JAKMIP1: variants seen among roughly 807,000 people sequenced by gnomAD.
JAKMIP1 encodes janus kinase and microtubule-interacting protein 1.
A neutral mutation model predicts 113.0 loss-of-function variants in JAKMIP1; 33 were observed. The ratio of observed to expected loss-of-function variants is 0.29; its 90% CI spans 0.22 to 0.39. The LOEUF is 0.39. Among genes scored for constraint, JAKMIP1 ranks in the 10% least tolerant of loss-of-function variants. JAKMIP1 has a pLI of 1.00. For missense variants in JAKMIP1, 813 were observed against 1,080.5 expected, an observed-to-expected ratio of 0.75 and a Z score of 3.47; for synonymous variants, 480 against 459.9, an observed-to-expected ratio of 1.04 and a Z score of -0.56.
chr4:6,156,286 G>A lies in JAKMIP1; in HGVS notation c.-147-43289C>T, dbSNP rs905141639. Reference sequence around the variant, plus strand: ...TGTATCACACTGATCCTAAGTTAACGTTTCTGAAATCAAGATTCATCTCAC... The same window carrying A: ...TGTATCACACTGATCCTAAGTTAACATTTCTGAAATCAAGATTCATCTCAC... On this transcript the variant is annotated intron_variant, in intron 1 of 20. Transcript: ENST00000409021. The surrounding 1 kb of genome is among the most constrained non-coding windows in gnomAD (Gnocchi z 5.0). Among the ~76,000 whole-genome samples, 2 of 152,150 alleles carry A rather than the reference G, an allele frequency of 1.3e-5. No individual in the cohort carries two copies. The highest frequency in any genetic ancestry group is 3.9e-4 in the East Asian group (2 of 5,186).
intron 20 of JAKMIP1, 35 bp downstream of exon 20, chr4:6,029,681 G>C (rs1380665240): frequency 1.4e-6 from 2 of 1,455,598 alleles, no homozygotes; most frequent in Non-Finnish European, 1.9e-6. Context: ...TTCATGGAAA[G>C]AAACCTGGGG....
rs1446420630 is a variant in JAKMIP1, at chr4:6,040,128, G to C, written c.2175+511C>G. On this transcript the variant is annotated intron_variant, in intron 18 of 20. Coordinates refer to ENST00000409021, the MANE Select transcript of JAKMIP1 (RefSeq NM_001099433.2). The surrounding 1 kb of genome is among the most constrained non-coding windows in gnomAD (Gnocchi z 5.8). ...TTTGAGTGTGAGGACACAGGAGTTTGAACATCATCCCACTGTATTTTAATC... is the reference window on the plus strand; with the variant it reads ...TTTGAGTGTGAGGACACAGGAGTTTCAACATCATCCCACTGTATTTTAATC... 6.6e-6 allele frequency among the ~76,000 whole-genome samples: 1 copy of C among 152,206 alleles called. No homozygotes were observed. The highest frequency in any genetic ancestry group is 2.4e-5 in the African/African-American group (1 of 41,462).
chr4:6,106,008 C>A lies in JAKMIP1; in HGVS notation c.130-41G>T. Reference sequence around the variant, plus strand: ...CGAGAGAGCCGGTCAGGGTCAGGGTCAGGGTCAGGGTCAGGGTCAGGGTCA... The same window carrying A: ...CGAGAGAGCCGGTCAGGGTCAGGGTAAGGGTCAGGGTCAGGGTCAGGGTCA... On this transcript the variant is annotated intron_variant, in intron 2 of 20. Coordinates refer to ENST00000409021, the MANE Select transcript of JAKMIP1 (RefSeq NM_001099433.2). The surrounding 1 kb of genome is among the most constrained non-coding windows in gnomAD (Gnocchi z 5.9). 2 of 1,195,736 alleles carry A rather than the reference C, an allele frequency of 1.7e-6. No individual in the cohort carries two copies. Among genetic ancestry groups the A allele is most frequent in the South Asian group, 2.9e-5 (2 of 69,254 alleles). The allele number at this position is 1,195,736 out of a possible 1,614,324, so 74.1% of individuals were successfully genotyped here. A position where few individuals can be genotyped will look rare whatever the true frequency, so the allele number is the denominator to read the frequency against.
chr4:6,049,155 G>A lies in JAKMIP1; in HGVS notation c.1963-233C>T, dbSNP rs1223609563. On this transcript the variant is annotated intron_variant, in intron 15 of 20. Coordinates refer to ENST00000409021, the MANE Select transcript of JAKMIP1 (RefSeq NM_001099433.2). The surrounding 1 kb of genome is among the most constrained non-coding windows in gnomAD (Gnocchi z 7.0). ...TGATTCTCTTGCCTCAGCCTCCCGA[G>A]TAGCTGGGATTACAGCAGCTGGGAT... Among the ~76,000 whole-genome samples the A allele has an allele frequency of 1.3e-5, 2 of 152,152 alleles. No individual in the cohort carries two copies. The highest frequency in any genetic ancestry group is 1.3e-4 in the Admixed American group (2 of 15,272).
chr4:6,169,935 C>A (rs576183273), intron 1 of JAKMIP1, among the ~76,000 whole-genome samples: 1 of 151,506 alleles, frequency 6.6e-6, no homozygotes, highest in African/African-American at 2.4e-5. Flanking sequence ...CTACCACCAC[C>A]GATACTACCA....
chr4:6,173,727 G>A (rs1009216594), intron 1 of JAKMIP1, among the ~76,000 whole-genome samples: 1 of 152,108 alleles, frequency 6.6e-6, no homozygotes, highest in African/African-American at 2.4e-5. Flanking sequence ...CAGACACCAC[G>A]ACATCTCACC....
At position 6,088,743 on chromosome 4, in the gene JAKMIP1, A is replaced by C. The variant is rs1256617503; in HGVS notation, c.625-3114T>G. 6.6e-6 allele frequency among the ~76,000 whole-genome samples: 1 copy of C among 152,196 alleles called. No individual in the cohort carries two copies. Among genetic ancestry groups the C allele is most frequent in the Non-Finnish European group, 1.5e-5 (1 of 68,028 alleles). ...TCACTGACTTTACTCCTGGATCACA[A>C]GCTGAGCTCTTAGTGATCCTATCTC... is the stretch of plus-strand genomic sequence containing the variant. On this transcript the variant is annotated intron_variant, in intron 3 of 20. Coordinates refer to ENST00000409021, the MANE Select transcript of JAKMIP1 (RefSeq NM_001099433.2). This position sits in a 1 kb window ranked among gnomAD's most constrained non-coding sequence, Gnocchi z 5.5.
rs1719507783 is a variant in JAKMIP1 at position 6,138,006 on chromosome 4, C to T, written c.-147-25009G>A. 6.6e-6 allele frequency among the ~76,000 whole-genome samples: 1 copy of T among 152,190 alleles called. No homozygotes were observed. The highest frequency in any genetic ancestry group is 2.4e-5 in the African/African-American group (1 of 41,458). ...CTCTGGGACAGTGGCTCCCAATGCC[C>T]CAGCTCCCAGAGGTGGCAGAGGTGG... is the stretch of plus-strand genomic sequence containing the variant. On this transcript the variant is annotated intron_variant, in intron 1 of 20. Transcript: ENST00000409021. This position sits in a 1 kb window ranked among gnomAD's most constrained non-coding sequence, Gnocchi z 6.0.
At chr4:6,047,101 C>G (rs1202267577) in intron 16 of JAKMIP1, among the ~76,000 whole-genome samples, 2 of 152,210 alleles carry the variant, frequency 1.3e-5, no homozygotes, top group Non-Finnish European at 2.9e-5. Context: ...ACACTGTGAG[C>G]CACCAGGATG....
In JAKMIP1 at chr4:6,037,851, A is replaced by G. The variant is rs1393118105; in HGVS notation, c.2176-1744T>C. Among the ~76,000 whole-genome samples, 8 of 119,382 alleles carry G rather than the reference A, an allele frequency of 6.7e-5. No homozygotes were observed. In the South Asian group the frequency reaches 1.3e-3, roughly 19 times the overall value. 78.3% of individuals were successfully genotyped at this position (119,382 alleles called of 152,430 possible). A position where few individuals can be genotyped will look rare whatever the true frequency, so the allele number is the denominator to read the frequency against. ...TCCATCACCGAGGCAGAGGCTAACC[A>G]GTATCCCTCCATCACTGAGGCAGAG... On this transcript the variant is annotated intron_variant, in intron 18 of 20. Transcript: ENST00000409021.
At position 6,176,236 on chromosome 4, in the gene JAKMIP1, C is replaced by T. The variant is rs555123024; in HGVS notation, c.-148+24017G>A. 1.3e-4 allele frequency among the ~76,000 whole-genome samples: 20 copies of T among 152,276 alleles called. 3 individuals carry two copies. The highest frequency in any genetic ancestry group is 3.6e-4 in the African/African-American group (15 of 41,554). ...GAAAAGGACAGATCACCCCCTCATA[C>T]GTTTCAGACCAGCTGCTCCAGAGTC... On this transcript the variant is annotated intron_variant, in intron 1 of 20. Coordinates refer to ENST00000409021, the MANE Select transcript of JAKMIP1 (RefSeq NM_001099433.2). The surrounding 1 kb of genome is among the most constrained non-coding windows in gnomAD (Gnocchi z 5.5).
chr4:6,073,103 T>C (rs1719217062), intron 8 of JAKMIP1, among the ~76,000 whole-genome samples: 2 of 148,294 alleles, frequency 1.3e-5, no homozygotes, highest in South Asian at 4.2e-4. Context: ...AAAAAGTGCT[T>C]GAGCTTCCTA....
chr4:6,036,176 C>A, intron 18 of JAKMIP1, 69 bp from the exon 19 acceptor site: 1 of 1,261,752 alleles, frequency 7.9e-7, no homozygotes, highest in Non-Finnish European at 1.1e-6. Flanking sequence ...CAGAAGGCTG[C>A]TGCCAGTGGA....
In JAKMIP1 at chr4:6,186,426, G is replaced by C. The variant is rs912279676; in HGVS notation, c.-148+13827C>G. Among the ~76,000 whole-genome samples, 8 of 152,318 alleles carry C rather than the reference G, an allele frequency of 5.3e-5. No individual in the cohort carries two copies. Among genetic ancestry groups the C allele is most frequent in the African/African-American group, 1.9e-4 (8 of 41,570 alleles). On this transcript the variant is annotated intron_variant, in intron 1 of 20. Coordinates refer to ENST00000409021, the MANE Select transcript of JAKMIP1 (RefSeq NM_001099433.2). This position sits in a 1 kb window ranked among gnomAD's most constrained non-coding sequence, Gnocchi z 5.5. ...ATGAGACAGGAAGGGAAAAGTGGGGGCCTCTGGTGTCTGGCTGGCAAGAAC... is the reference window on the plus strand; with the variant it reads ...ATGAGACAGGAAGGGAAAAGTGGGGCCCTCTGGTGTCTGGCTGGCAAGAAC...
rs199767970 is a variant in JAKMIP1, at chr4:6,189,038, T to TCACC, written c.-148+11211_-148+11214dup. Among the ~76,000 whole-genome samples the TCACC allele has an allele frequency of 7.6e-3, 1,159 of 152,278 alleles. 14 individuals carry two copies. Among genetic ancestry groups the TCACC allele is most frequent in the African/African-American group, 0.027 (1,127 of 41,548 alleles). Reference sequence around the variant, plus strand: ...TTACTGCCGGGCATAATGAGCTCACTCACCCAGCGCCCTGGTCCAACAAAG... The same window carrying TCACC: ...TTACTGCCGGGCATAATGAGCTCACTCACCCACCCAGCGCCCTGGTCCAACAAAG... On this transcript the variant is annotated intron_variant, in intron 1 of 20. Transcript: ENST00000409021.
chr4:6,081,509 C>T lies in JAKMIP1; in HGVS notation c.1101+100G>A, dbSNP rs759564620. On this transcript the variant is annotated intron_variant, in intron 6 of 20. Coordinates refer to ENST00000409021, the MANE Select transcript of JAKMIP1 (RefSeq NM_001099433.2). The surrounding 1 kb of genome is among the most constrained non-coding windows in gnomAD (Gnocchi z 4.6). ...TGGTGCTTTGTGGGGAGGTGGGCAG[C>T]AGGTGCGCCCCAGAACATGTGAATC... The T allele has an allele frequency of 4.5e-6, 6 of 1,344,444 alleles. No individual in the cohort carries two copies. The highest frequency in any genetic ancestry group is 2.1e-4 in the Middle Eastern group (1 of 4,670). 83.3% of individuals were successfully genotyped at this position (1,344,444 alleles called of 1,614,324 possible).
Position 6,128,120 on chromosome 4 carries a change from C to G in JAKMIP1, c.-147-15123G>C, listed in dbSNP as rs147370249. Among the ~76,000 whole-genome samples, 706 of 152,230 alleles carry G rather than the reference C, an allele frequency of 4.6e-3. 1 individual carries two copies. The highest frequency in any genetic ancestry group is 0.016 in the African/African-American group (667 of 41,526). On this transcript the variant is annotated intron_variant, in intron 1 of 20. Transcript: ENST00000409021. ...ACCTGCGGGTGAAGATGCTGGGGCC[C>G]GAGACAGAAACTGGCCACAGTCATG...
At chr4:6,189,946 C>G (rs1727065404) in intron 1 of JAKMIP1, among the ~76,000 whole-genome samples, 1 of 152,198 alleles carries the variant, frequency 6.6e-6, no homozygotes, top group African/African-American at 2.4e-5. Context: ...GAGAGGGAGG[C>G]AGCGTGGGCC....
intron 1 of JAKMIP1, among the ~76,000 whole-genome samples, chr4:6,120,380 G>C (rs1407682670): frequency 6.6e-6 from 1 of 152,160 alleles, no homozygotes; most frequent in Non-Finnish European, 1.5e-5. Flanking sequence ...ATTCCCGAAA[G>C]GAAAGAGCAA....
Sources: gnomAD v4.1 joint callset for allele counts (sites outside exome capture counted in the v4.1 genomes callset) on GRCh38, gnomAD v4.1.1 for gene constraint, Gnocchi (gnomAD v3.1) non-coding constraint, MANE v1.5 for transcripts, NCBI Gene and HGNC (gene_info 2026-07-23, HGNC 2026-07-21) for gene names.